Variants in FOXP2 observed in about 807,000 individuals in gnomAD.
FOXP2 encodes forkhead box P2, also known as forkhead box protein P2.
A neutral mutation model predicts 115.8 loss-of-function variants in FOXP2; 12 were observed. That is an observed-to-expected ratio of 0.10 (90% CI 0.07 to 0.17). FOXP2 has a LOEUF of 0.17. FOXP2 is among the 10% of genes least tolerant of loss of function. The pLI, the probability that FOXP2 is intolerant of heterozygous loss-of-function variation, is 1.00. For missense variants in FOXP2, 629 were observed against 843.5 expected, an observed-to-expected ratio of 0.75 and a Z score of 3.15; for synonymous variants, 328 against 297.7, an observed-to-expected ratio of 1.10 and a Z score of -1.05.
chr7:114,302,959 G>A (rs1447451574), intron 2 of FOXP2, among the ~76,000 whole-genome samples: 1 of 152,000 alleles, frequency 6.6e-6, no homozygotes, highest in East Asian at 1.9e-4. Context: ...CTTAGAAGGG[G>A]GTCCTGAGCT....
At chr7:114,254,279 G>T (rs1795537992) in intron 1 of FOXP2, among the ~76,000 whole-genome samples, 1 of 152,056 alleles carries the variant, frequency 6.6e-6, no homozygotes, top group South Asian at 2.1e-4. Flanking sequence ...TCTTGGAGTT[G>T]CTCTTCTTTA....
At chr7:114,557,387 T>C (rs57567301) in intron 3 of FOXP2, among the ~76,000 whole-genome samples, 26,135 of 152,138 alleles carry the variant, frequency 0.17, 2,689 homozygotes, top group African/African-American at 0.29. Context: ...TTCCATTAGA[T>C]GTAGTCTGAA....
At chr7:114,396,058 T>A (rs1057200274) in intron 2 of FOXP2, among the ~76,000 whole-genome samples, 7 of 152,026 alleles carry the variant, frequency 4.6e-5, no homozygotes, top group African/African-American at 1.7e-4. Flanking sequence ...ACAATTAAAT[T>A]ATTATTGGCT....
intron 1 of FOXP2, among the ~76,000 whole-genome samples, chr7:114,220,033 A>ATTT (rs142683981): frequency 5.8e-5 from 8 of 137,454 alleles, no homozygotes; most frequent in South Asian, 2.4e-4. Context: ...TGCTCAGCTA[A>ATTT]TTTTTTTTTT....
At chr7:114,481,756 T>C (rs1023668309) in intron 2 of FOXP2, among the ~76,000 whole-genome samples, 15 of 144,424 alleles carry the variant, frequency 1.0e-4, no homozygotes, top group Middle Eastern at 7.3e-3. Context: ...TGATCTCATA[T>C]GGAAACTCTA....
chr7:114,523,252 G>A (rs1798708869), intron 2 of FOXP2, among the ~76,000 whole-genome samples: 1 of 152,130 alleles, frequency 6.6e-6, no homozygotes, highest in Admixed American at 6.6e-5. Context: ...ATTAGAACTT[G>A]AATTTTCTGA....
At chr7:114,159,833 T>C (rs1792782748), upstream of FOXP2, among the ~76,000 whole-genome samples, 1 of 152,204 alleles carries the variant, frequency 6.6e-6, no homozygotes, top group African/African-American at 2.4e-5. Flanking sequence ...TTATTTAACA[T>C]GTATACATAG....
intron 1 of FOXP2, among the ~76,000 whole-genome samples, chr7:114,268,959 A>G (rs1389352605): frequency 6.6e-6 from 1 of 152,220 alleles, no homozygotes; most frequent in Non-Finnish European, 1.5e-5. Context: ...ACACTAGTCC[A>G]GTATGTTTAC....
chr7:114,289,577 TATA>T (rs1796544673), intron 2 of FOXP2, among the ~76,000 whole-genome samples: 2 of 151,896 alleles, frequency 1.3e-5, no homozygotes. Flanking sequence ...AGTTTAGATT[TATA>T]ATAAGCAGGA....
chr7:114,361,124 G>T (rs1202512227), intron 2 of FOXP2, among the ~76,000 whole-genome samples: 1 of 152,000 alleles, frequency 6.6e-6, no homozygotes, highest in African/African-American at 2.4e-5. Context: ...GATTTCAGAG[G>T]TCTCTCATCA....
At chr7:114,209,137 G>GAT (rs1794278919) in intron 1 of FOXP2, among the ~76,000 whole-genome samples, 1 of 152,156 alleles carries the variant, frequency 6.6e-6, no homozygotes, top group African/African-American at 2.4e-5. Context: ...CTGTTTTCAT[G>GAT]ATAGTCAGTG....
chr7:114,626,096 C>T (rs1804564597), intron 3 of FOXP2, among the ~76,000 whole-genome samples: 1 of 151,662 alleles, frequency 6.6e-6, no homozygotes, highest in African/African-American at 2.4e-5. Flanking sequence ...AACATATGAT[C>T]TTAAGAAGAG....
intron 2 of FOXP2, among the ~76,000 whole-genome samples, chr7:114,344,709 A>G (rs1791299375): frequency 6.6e-6 from 1 of 151,850 alleles, no homozygotes; most frequent in Admixed American, 6.6e-5. Context: ...TTACATAAAT[A>G]TAGGCCTTCC....
chr7:114,683,024 T>G (rs1808178072), intron 16 of FOXP2, among the ~76,000 whole-genome samples: 1 of 152,190 alleles, frequency 6.6e-6, no homozygotes, highest in Non-Finnish European at 1.5e-5. Flanking sequence ...TAATAATTAT[T>G]GACTTTAGTT....
At chr7:114,683,232 C>T (rs1184468015) in intron 16 of FOXP2, among the ~76,000 whole-genome samples, 1 of 152,164 alleles carries the variant, frequency 6.6e-6, no homozygotes, top group East Asian at 1.9e-4. Context: ...GTAATTTATT[C>T]ACTCAACATG....
At chr7:114,580,831 C>T (rs768406048) in intron 3 of FOXP2, among the ~76,000 whole-genome samples, 31 of 151,970 alleles carry the variant, frequency 2.0e-4, no homozygotes, top group Non-Finnish European at 3.7e-4. Context: ...GGGATATCTG[C>T]GTGTTCAGTA....
At chr7:114,436,252 G>A (rs549530053) in intron 2 of FOXP2, among the ~76,000 whole-genome samples, 74 of 151,020 alleles carry the variant, frequency 4.9e-4, no homozygotes, top group African/African-American at 1.5e-3. Context: ...ATCACTCTTC[G>A]TCTTTTGTAT....
At chr7:114,371,465 A>C (rs1392504989) in intron 2 of FOXP2, among the ~76,000 whole-genome samples, 1 of 152,042 alleles carries the variant, frequency 6.6e-6, no homozygotes, top group African/African-American at 2.4e-5. Flanking sequence ...TAAATATAGA[A>C]TAAAAATAAA....
At chr7:114,630,747 C>T (rs1470976183) in intron 5 of FOXP2, 1 of 153,016 alleles carries the variant, frequency 6.5e-6, no homozygotes, top group Non-Finnish European at 1.5e-5. Flanking sequence ...ATAGAAATTG[C>T]TCCCTTATTT....
Sources: allele counts gnomAD v4.1 joint callset (sites outside exome capture counted in the v4.1 genomes callset), GRCh38; gene constraint gnomAD v4.1.1; transcripts MANE v1.5; gene names NCBI Gene and HGNC (gene_info 2026-07-23, HGNC 2026-07-21).